Variants in SPNS2 observed in about 807,000 individuals in gnomAD.
SPNS2 encodes SPNS lysolipid transporter 2, sphingosine-1-phosphate, also known as sphingosine-1-phosphate transporter SPNS2.
Under a neutral mutation model 57.6 loss-of-function variants are expected in SPNS2, and 37 were observed. That is an observed-to-expected ratio of 0.64 (90% CI 0.49 to 0.85). The LOEUF is 0.85. Ranked by LOEUF, SPNS2 falls within the 40% of genes least tolerant of loss-of-function variation. SPNS2 has a pLI of 0.00. For missense variants in SPNS2, 831 were observed against 779.1 expected (o/e 1.07, Z -0.79); for synonymous variants, 440 against 346.9 (o/e 1.27, Z -2.98).
chr17:4,534,891 C>T (rs1905698379), intron 9 of SPNS2, among the ~76,000 whole-genome samples: 1 of 152,130 alleles, frequency 6.6e-6, no homozygotes, highest in Admixed American at 6.5e-5. Context: ...CAGGGAGCGC[C>T]TGACAGCTGC....
intron 9 of SPNS2, among the ~76,000 whole-genome samples, chr17:4,535,398 T>C (rs1905729609): frequency 6.6e-6 from 1 of 152,128 alleles, no homozygotes; most frequent in Non-Finnish European, 1.5e-5. Context: ...GGAACCAAGA[T>C]GGGTCTTTAG....
rs750922346 is a variant in SPNS2 at position 4,536,154 on chromosome 17, A to T, written c.1423A>T (p.Ser475Cys). 6.2e-7 allele frequency: 1 copy of T among 1,612,252 alleles called. No individual in the cohort carries two copies. The highest frequency in any genetic ancestry group is 1.1e-5 in the South Asian group (1 of 91,062). Reference sequence around the variant, plus strand: ...CTCCCACCTGCTGGGGGACGCCGGGAGCCCCTACCTCATTGGCTTTGTGAG... The same window carrying T: ...CTCCCACCTGCTGGGGGACGCCGGGTGCCCCTACCTCATTGGCTTTGTGAG... ...FTSHLLGDAGSPYLIGFISDL... is the reference protein window; with the variant it reads ...FTSHLLGDAGCPYLIGFISDL... The change falls in exon 10 of 13, where the codon AGC (serine) becomes TGC (cysteine). Residue 475 changes from serine to cysteine, a missense_variant. Physicochemically the swap from Ser to Cys is moderately radical, Grantham distance 112 (BLOSUM62 -1). This residue lies in a region of SPNS2 where 526 missense variants were observed against 400.9 expected (regional missense o/e 1.31). Transcript: ENST00000329078.
chr17:4,513,207 A>G, intron 1 of SPNS2, 40 bp from the exon 2 acceptor site: 2 of 1,607,686 alleles, frequency 1.2e-6, no homozygotes, highest in Non-Finnish European at 1.7e-6. Flanking sequence ...GACACCAGCC[A>G]TCAGACTCGG....
chr17:4,530,536 C>A (rs1905416871), intron 3 of SPNS2, 96 bp from the exon 4 acceptor site: 1 of 1,454,516 alleles, frequency 6.9e-7, no homozygotes, highest in Admixed American at 1.9e-5. Flanking sequence ...CCCCTGGCTC[C>A]TGGGCCCTGC....
Position 4,538,810 on chromosome 17 carries a change from G to C in SPNS2, c.*1362G>C. 1.3e-6 allele frequency: 1 copy of C among 768,282 alleles called. No individual in the cohort carries two copies. The highest frequency in any genetic ancestry group is 2.4e-6 in the Non-Finnish European group (1 of 414,110). 47.6% of individuals were successfully genotyped at this position (768,282 alleles called of 1,614,324 possible). A position where few individuals can be genotyped will look rare whatever the true frequency, so the allele number is the denominator to read the frequency against. On this transcript the variant is annotated 3_prime_UTR_variant, in exon 13 of 13. Coordinates refer to ENST00000329078, the MANE Select transcript of SPNS2 (RefSeq NM_001124758.3). ...GGGCCTGACAAGAGGATGGGGTGGG[G>C]GTGGCATCCTCCAAAGACCAGCCTC... is the stretch of plus-strand genomic sequence containing the variant.
chr17:4,516,188 C>A (rs1049480730), intron 2 of SPNS2, among the ~76,000 whole-genome samples: 3 of 152,064 alleles, frequency 2.0e-5, no homozygotes, highest in African/African-American at 7.2e-5. Flanking sequence ...GTGGTGGATG[C>A]CTGTAATCCC....
At chr17:4,533,488 G>A in intron 8 of SPNS2, 56 bp downstream of exon 8, 1 of 1,509,478 alleles carries the variant, frequency 6.6e-7, no homozygotes. Context: ...CCGCGGGAGG[G>A]TCTGGAACAG....
At chr17:4,518,966 C>T (rs377637323) in intron 2 of SPNS2, among the ~76,000 whole-genome samples, 2 of 152,194 alleles carry the variant, frequency 1.3e-5, no homozygotes, top group South Asian at 2.1e-4. Flanking sequence ...CAGGTGTTCC[C>T]GTCCTTCCAC....
chr17:4,530,870 G>A (rs1905435746), intron 4 of SPNS2, 87 bp downstream of exon 4: 2 of 1,524,426 alleles, frequency 1.3e-6, no homozygotes, highest in Admixed American at 3.7e-5. Flanking sequence ...TGGGGTTCTA[G>A]CCCAGGCAGG....
At position 4,512,752 on chromosome 17, in the gene SPNS2, G is replaced by A. The variant is rs558901373; in HGVS notation, c.371-495G>A. 8.0e-4 allele frequency among the ~76,000 whole-genome samples: 121 copies of A among 152,152 alleles called. No individual in the cohort carries two copies. The highest frequency in any genetic ancestry group is 3.4e-3 in the Middle Eastern group (1 of 294). On this transcript the variant is annotated intron_variant, in intron 1 of 12. Transcript: ENST00000329078. The surrounding 1 kb of genome is among the most constrained non-coding windows in gnomAD (Gnocchi z 5.2). ...CAGGTGTGTGTGTGCATGTACAGGT[G>A]TGTGCGTGTGTGTGCGAATGTGGTT...
chr17:4,537,298 A>C (rs1905899699), intron 12 of SPNS2, among the ~76,000 whole-genome samples, 155 bp from the exon 13 acceptor site: 1 of 152,094 alleles, frequency 6.6e-6, no homozygotes. Context: ...TCCCTCTGGG[A>C]GTTATAGCTT....
chr17:4,532,618 A>T lies in SPNS2; in HGVS notation c.869A>T (p.Asp290Val), dbSNP rs1274906966. The T allele has an allele frequency of 9.9e-6, 16 of 1,613,878 alleles. No homozygotes were observed. In the East Asian group the frequency reaches 3.6e-4, roughly 36 times the overall value. ...LVPATKRGHA[D>V]QLGDQLKART... ...CCAGCCACTAAAAGGGGTCATGCCG[A>T]CCAGCTCGGGGACCAGCTCAAGGCC... Residue 290 changes from aspartate to valine, a missense_variant, in exon 6 of 13, where the codon GAC becomes GTC. By Grantham distance (152) the Asp-to-Val change is radical (BLOSUM62 -3). This residue lies in a region of SPNS2 where 526 missense variants were observed against 400.9 expected (regional missense o/e 1.31). Transcript: ENST00000329078.
chr17:4,528,767 C>G (rs1905340143), intron 3 of SPNS2, among the ~76,000 whole-genome samples: 1 of 151,670 alleles, frequency 6.6e-6, no homozygotes, highest in South Asian at 2.1e-4. Flanking sequence ...GTGAGCCCAC[C>G]ATGCCCAGCC....
At position 4,499,046 on chromosome 17, in the gene SPNS2, G is replaced by A. The variant is rs1904362887; in HGVS notation, c.-2G>A. The A allele has an allele frequency of 4.0e-6, 4 of 1,010,088 alleles. No individual in the cohort carries two copies. The African/African-American group carries it at 5.2e-5, about 13-fold the overall frequency. 62.6% of individuals were successfully genotyped at this position (1,010,088 alleles called of 1,614,324 possible). A position where few individuals can be genotyped will look rare whatever the true frequency, so the allele number is the denominator to read the frequency against. On this transcript the variant is annotated 5_prime_UTR_variant, in exon 1 of 13. Coordinates refer to ENST00000329078, the MANE Select transcript of SPNS2 (RefSeq NM_001124758.3). The surrounding 1 kb of genome is among the most constrained non-coding windows in gnomAD (Gnocchi z 5.2). ...CCCCCCGCCGCCCCGATCCGGGCCG[G>A]CATGATGTGCCTGGAATGCGCCTCG...
rs1260715912 is a variant in SPNS2, at chr17:4,499,063, T to C, written c.16T>C (p.Cys6Arg). 27 of 1,015,600 alleles carry C rather than the reference T, an allele frequency of 2.7e-5. No individual in the cohort carries two copies. The highest frequency in any genetic ancestry group is 3.1e-5 in the Non-Finnish European group (26 of 852,204). The allele number at this position is 1,015,600 out of a possible 1,614,324, so 62.9% of individuals were successfully genotyped here. A position where few individuals can be genotyped will look rare whatever the true frequency, so the allele number is the denominator to read the frequency against. Reference sequence around the variant, plus strand: ...CCGGGCCGGCATGATGTGCCTGGAATGCGCCTCGGCGGCGGCGGGCGGCGC... The same window carrying C: ...CCGGGCCGGCATGATGTGCCTGGAACGCGCCTCGGCGGCGGCGGGCGGCGC... MMCLECASAAAGGAEE... is the reference protein window; with the variant it reads MMCLERASAAAGGAEE... The change falls in exon 1 of 13, where the codon TGC becomes CGC. Residue 6 changes from cysteine to arginine, a missense_variant. By Grantham distance (180) the Cys-to-Arg change is radical. This residue lies in a region of SPNS2 where 305 missense variants were observed against 378.3 expected (regional missense o/e 0.81). Transcript: ENST00000329078. The surrounding 1 kb of genome is among the most constrained non-coding windows in gnomAD (Gnocchi z 5.2).
intron 2 of SPNS2, among the ~76,000 whole-genome samples, chr17:4,520,907 A>AAGTGC (rs1308102211): frequency 1.2e-4 from 19 of 152,204 alleles, no homozygotes; most frequent in African/African-American, 4.3e-4. Context: ...TTGCCTATAT[A>AAGTGC]TCCATAAATA....
intron 7 of SPNS2, 43 bp downstream of exon 7, chr17:4,533,172 G>T: frequency 6.3e-7 from 1 of 1,582,796 alleles, no homozygotes; most frequent in Non-Finnish European, 8.6e-7. Flanking sequence ...GAGGGACCTC[G>T]GACAGGAGAG....
chr17:4,530,528 C>A (rs111597737), intron 3 of SPNS2, 104 bp from the exon 4 acceptor site: 11 of 1,396,420 alleles, frequency 7.9e-6, no homozygotes, highest in Non-Finnish European at 1.1e-5. Flanking sequence ...CCTTCTCTCC[C>A]CTGGCTCCTG....
intron 3 of SPNS2, among the ~76,000 whole-genome samples, chr17:4,528,344 G>T (rs947600687): frequency 1.2e-4 from 19 of 152,128 alleles, no homozygotes; most frequent in Admixed American, 1.2e-3. Flanking sequence ...AACAGGAAAA[G>T]AATGAACTAG....
Sources: gnomAD v4.1 joint callset for allele counts (sites outside exome capture counted in the v4.1 genomes callset) on GRCh38, gnomAD v4.1.1 for gene constraint, gnomAD v4.1.1 regional missense constraint, Gnocchi (gnomAD v3.1) non-coding constraint, MANE v1.5 for transcripts, NCBI Gene and HGNC (gene_info 2026-07-23, HGNC 2026-07-21) for gene names.